The following MAGED2 variants were observed in gnomAD, a reference collection of about 807,000 sequenced individuals.
MAGED2 encodes MAGE family member D2, also known as melanoma-associated antigen D2.
In MAGED2, 6 loss-of-function variants were observed where a neutral mutation model predicts 41.7. The ratio of observed to expected loss-of-function variants is 0.14; its 90% CI spans 0.08 to 0.28. MAGED2 has a LOEUF of 0.28. Ranked by LOEUF, MAGED2 falls within the 10% of genes least tolerant of loss-of-function variation. The probability of loss-of-function intolerance (pLI) is 1.00; values close to 1 mark genes in which losing one functional copy is unlikely to be tolerated. For synonymous variants in MAGED2, 146 were observed against 178.2 expected (o/e 0.82, Z 1.44); for missense variants, 343 against 486.4 (o/e 0.71, Z 2.77).
In MAGED2 at chrX:54,811,104, G is replaced by C. The variant is rs776901422; in HGVS notation, c.821G>C (p.Arg274Pro). The change falls in exon 4 of 13, where the codon CGG becomes CCG. Residue 274 changes from arginine to proline, a missense_variant. Physicochemically the swap from Arg to Pro is moderately radical, Grantham distance 103. Around this residue, in one of 3 missense-constraint regions of MAGED2, gnomAD observed 195 missense variants for 221.2 expected, o/e 0.88. Coordinates refer to ENST00000375068, the MANE Select transcript of MAGED2 (RefSeq NM_177433.3). The stretch of plus-strand genomic sequence containing the variant: ...CAAGAGCCTGAAGCACCACCACCTC[G>C]GGATGTGGCCCTTTTGCAAGGGAGG... Reference protein sequence around the residue: ...SSQEPEAPPPRDVALLQGRAN... With the variant: ...SSQEPEAPPPPDVALLQGRAN... The C allele has an allele frequency of 1.3e-5, 16 of 1,194,768 alleles. No homozygotes were observed. The South Asian group carries it at 2.4e-4, about 18-fold the overall frequency.
chrX:54,808,916 TGAG>T (rs747573009), intron 1 of MAGED2: 1 of 224,909 alleles, frequency 4.4e-6, no homozygotes, highest in South Asian at 6.4e-5. Flanking sequence ...GGGCCAGCAC[TGAG>T]AAGAGCCAGC....
In MAGED2 at chrX:54,810,977, A is replaced by G; in HGVS notation, c.694A>G (p.Thr232Ala). The G allele has an allele frequency of 8.3e-7, 1 of 1,202,923 alleles. No individual in the cohort carries two copies. The highest frequency in any genetic ancestry group is 1.1e-6 in the Non-Finnish European group (1 of 890,755). The change falls in exon 4 of 13, where the codon ACT (threonine) becomes GCT (alanine). Residue 232 changes from threonine (T) to alanine (A), a missense_variant. By Grantham distance (58) the Thr-to-Ala change is moderately conservative (BLOSUM62 0). Coordinates refer to ENST00000375068, the MANE Select transcript of MAGED2 (RefSeq NM_177433.3). The part of the protein sequence containing the change: ...IAFWARRASR[T>A]RLAAWARRAL... ...CTTTTGGGCCCGCAGGGCATCAAGG[A>G]CTCGGTTGGCTGCTTGGGCCCGGAG...
chrX:54,812,193 G>T lies in MAGED2; in HGVS notation c.1027G>T (p.Asp343Tyr). 8.3e-7 allele frequency: 1 copy of T among 1,203,297 alleles called. No homozygotes were observed. Among genetic ancestry groups the T allele is most frequent in the South Asian group, 1.8e-5 (1 of 56,306 alleles). The change falls in exon 7 of 13, where the codon GAC becomes TAC. Residue 343 changes from aspartate to tyrosine, a missense_variant. Transcript: ENST00000375068. ...TCAATTGAAGGAAATTGATAAGAAT[G>T]ACCACTTGTACATTCTTCTCAGCAC... The part of the protein sequence containing the change: ...GIQLKEIDKN[D>Y]HLYILLSTLE...
intron 2 of MAGED2, 65 bp from the exon 3 acceptor site, chrX:54,809,657 T>C: frequency 8.7e-7 from 1 of 1,155,298 alleles, no homozygotes; most frequent in Non-Finnish European, 1.2e-6. Context: ...CCTTGGAATT[T>C]TGGAGCCATT....
At chrX:54,814,261 A>C in intron 10 of MAGED2, 1 of 323,789 alleles carries the variant, frequency 3.1e-6, no homozygotes, top group Non-Finnish European at 5.9e-6. Context: ...GGAATTCAGC[A>C]TGTGTGAAGC....
chrX:54,810,248 A>G (rs1569544589), intron 3 of MAGED2, 35 bp downstream of exon 3: 1 of 881,582 alleles, frequency 1.1e-6, no homozygotes, highest in African/African-American at 2.0e-5. Context: ...TTGGTTTTCT[A>G]CTCCTCTCTC....
chrX:54,812,277 G>C (rs746332693), intron 7 of MAGED2, 26 bp downstream of exon 7: 133 of 999,544 alleles, frequency 1.3e-4, no homozygotes, highest in Non-Finnish European at 1.8e-4. Flanking sequence ...GCTGAGGTGT[G>C]GGGGGCTTCT....
At chrX:54,808,029 T>C (rs189646589) in intron 1 of MAGED2, among the ~76,000 whole-genome samples, 2 of 100,904 alleles carry the variant, frequency 2.0e-5, no homozygotes, top group Non-Finnish European at 4.0e-5. Context: ...GAACCAGGAA[T>C]GTTGGGAGGG....
Position 54,809,850 on chromosome X carries a change from A to C in MAGED2, c.174A>C (p.Ser58=). ...ALEVSEDVKV[S]KASGVSKATE... is the part of the protein sequence containing the mutation. ...AGGTCTCAGAGGATGTGAAGGTCTC[A>C]AAAGCCTCTGGGGTCTCAAAGGCCA... The change falls in exon 3 of 13, where the codon TCA becomes TCC. Residue 58 remains serine (S), a synonymous_variant. Coordinates refer to ENST00000375068, the MANE Select transcript of MAGED2 (RefSeq NM_177433.3). The C allele has an allele frequency of 8.4e-7, 1 of 1,197,124 alleles. No homozygotes were observed.
chrX:54,815,879 A>G lies in MAGED2; in HGVS notation c.*9-2A>G. 2.4e-6 allele frequency: 1 copy of G among 424,181 alleles called. No homozygotes were observed. The highest frequency in any genetic ancestry group is 3.9e-5 in the East Asian group (1 of 25,960). 35.0% of individuals were successfully genotyped at this position (424,181 alleles called of 1,213,427 possible). A position where few individuals can be genotyped will look rare whatever the true frequency, so the allele number is the denominator to read the frequency against. On this transcript the variant is annotated splice_acceptor_variant, in intron 12 of 12. Transcript: ENST00000375068. LOFTEE classifies it low-confidence loss of function (3UTR_SPLICE). ...TTTATTTTCTCTTACTTGTGTTTTC[A>G]GATATTGTTAATCCTGCCAGTCTTT...
At chrX:54,813,891 T>C (rs1249204075) in intron 10 of MAGED2, among the ~76,000 whole-genome samples, 1 of 112,449 alleles carries the variant, frequency 8.9e-6, no homozygotes, top group African/African-American at 3.2e-5. Flanking sequence ...GTTTAGAACT[T>C]GGCTCCAAAG....
chrX:54,811,562 C>T lies in MAGED2; in HGVS notation c.911-12C>T. ...TCTTCAGTCAGGTGCTCACAACACT[C>T]TCCCCTTGCAGACATGCTGAAGGAC... On this transcript the variant is annotated splice_polypyrimidine_tract_variant and intron_variant, in intron 5 of 12. Transcript: ENST00000375068. 2 of 1,185,969 alleles carry T rather than the reference C, an allele frequency of 1.7e-6. No homozygotes were observed. Among genetic ancestry groups the T allele is most frequent in the Non-Finnish European group, 2.3e-6 (2 of 872,397 alleles).
chrX:54,809,983 G>T lies in MAGED2; in HGVS notation c.307G>T (p.Ala103Ser). 1 of 1,205,646 alleles carries T rather than the reference G, an allele frequency of 8.3e-7. No individual in the cohort carries two copies. The highest frequency in any genetic ancestry group is 1.8e-5 in the South Asian group (1 of 55,845). Reference sequence around the variant, plus strand: ...TCTGGCAGCTGAAAACAAGAGTCTAGCAGCTGACACCAAGAAACAGAATGC... The same window carrying T: ...TCTGGCAGCTGAAAACAAGAGTCTATCAGCTGACACCAAGAAACAGAATGC... ...QVLAAENKSL[A>S]ADTKKQNADP... is the part of the protein sequence containing the mutation. The change falls in exon 3 of 13, where the codon GCA becomes TCA. Residue 103 changes from alanine (A) to serine (S), a missense_variant. Physicochemically the swap from Ala to Ser is moderately conservative, Grantham distance 99 (BLOSUM62 1). Transcript: ENST00000375068.
rs752150960 is a variant in MAGED2, at chrX:54,811,035, G to T, written c.752G>T (p.Arg251Leu). ...CTCTCCCTGAGATCACCTAAAGCCC[G>T]TAGGGGCAAGGCTCGCCGTAGAGCT... ...ALLSLRSPKA[R>L]RGKARRRAAK... The change falls in exon 4 of 13, where the codon CGT becomes CTT. Residue 251 changes from arginine (R) to leucine (L), a missense_variant. Coordinates refer to ENST00000375068, the MANE Select transcript of MAGED2 (RefSeq NM_177433.3). The T allele has an allele frequency of 8.3e-7, 1 of 1,201,421 alleles. No individual in the cohort carries two copies. Among genetic ancestry groups the T allele is most frequent in the Non-Finnish European group, 1.1e-6 (1 of 889,938 alleles).
rs1341628960 is a variant in MAGED2 at position 54,815,663 on chromosome X, G to C, written c.1802G>C (p.Cys601Ser). The C allele has an allele frequency of 8.6e-7, 1 of 1,160,598 alleles. No homozygotes were observed. Among genetic ancestry groups the C allele is most frequent in the African/African-American group, 1.8e-5 (1 of 55,704 alleles). The change falls in exon 12 of 13, where the codon TGT becomes TCT. Residue 601 changes from cysteine to serine, a missense_variant. Around this residue, in one of 3 missense-constraint regions of MAGED2, gnomAD observed 53 missense variants for 60.4 expected, o/e 0.88. Coordinates refer to ENST00000375068, the MANE Select transcript of MAGED2 (RefSeq NM_177433.3). ...AGCACCAGTGGCAGCTCTGGTGCCT[G>C]TGGTTTCTCCTACAAGTGAGATTTT... ...GASTSGSSGA[C>S]GFSYK
At chrX:54,809,234 G>A in intron 1 of MAGED2, 69 bp from the exon 2 acceptor site, 1 of 855,487 alleles carries the variant, frequency 1.2e-6, no homozygotes, top group Non-Finnish European at 1.7e-6. Context: ...GTGAGGATCA[G>A]CCTCCAGGCA....
chrX:54,809,463 A>AT, intron 2 of MAGED2, 87 bp downstream of exon 2: 2 of 966,075 alleles, frequency 2.1e-6, no homozygotes, highest in South Asian at 3.9e-5. Flanking sequence ...TTCCCCTCCC[A>AT]TCCTTGTCCT....
intron 1 of MAGED2, chrX:54,809,053 G>A (rs949519813): frequency 5.2e-6 from 2 of 384,021 alleles, no homozygotes; most frequent in Admixed American, 4.3e-5. Flanking sequence ...TGGGTGGGGG[G>A]TGCACTGGGA....
At chrX:54,809,072 G>A in intron 1 of MAGED2, 1 of 397,960 alleles carries the variant, frequency 2.5e-6, no homozygotes, top group Non-Finnish European at 4.4e-6. Context: ...GAAAAGGGGC[G>A]GGGTCCTCAG....
Sources: allele counts gnomAD v4.1 joint callset (sites outside exome capture counted in the v4.1 genomes callset), GRCh38; gene constraint gnomAD v4.1.1; regional missense constraint gnomAD v4.1.1; transcripts MANE v1.5; gene names NCBI Gene and HGNC (gene_info 2026-07-23, HGNC 2026-07-21).